Variants in BMAL2 observed in about 807,000 individuals in gnomAD.
BMAL2 encodes basic helix-loop-helix ARNT-like protein 2.
the BMAL2 span, among the ~76,000 whole-genome samples, chr12:27,380,979 G>GAA: frequency 4.7e-4 from 69 of 146,290 alleles, 1 homozygote; most frequent in African/African-American, 1.1e-3. Context: ...GCCTGTCTCA[G>GAA]AAAAAAAAAA....
At chr12:27,396,969 A>G in the BMAL2 span, among the ~76,000 whole-genome samples, 1 of 152,212 alleles carries the variant, frequency 6.6e-6, no homozygotes, top group Admixed American at 6.5e-5. Flanking sequence ...GTGTCTGTCA[A>G]GTGAAATTAC....
At chr12:27,365,000 A>C in the BMAL2 span, among the ~76,000 whole-genome samples, 1 of 152,084 alleles carries the variant, frequency 6.6e-6, no homozygotes, top group Non-Finnish European at 1.5e-5. Flanking sequence ...AACTTGCTAT[A>C]TCCTCTAACT....
chr12:27,339,694 T>G, the BMAL2 span, among the ~76,000 whole-genome samples: 5 of 151,770 alleles, frequency 3.3e-5, no homozygotes, highest in Non-Finnish European at 5.9e-5. Flanking sequence ...GTGCGATCTC[T>G]GCTCACTGCA....
the BMAL2 span, among the ~76,000 whole-genome samples, chr12:27,360,064 A>AT: frequency 5.9e-4 from 78 of 132,292 alleles, no homozygotes; most frequent in Non-Finnish European, 1.0e-3. Flanking sequence ...AAAAAAAAAA[A>AT]AAAAAAAAGT....
the BMAL2 span, chr12:27,376,342 G>T: frequency 1.2e-6 from 2 of 1,612,478 alleles, no homozygotes; most frequent in Non-Finnish European, 1.7e-6. Context: ...CTGCTTTTTT[G>T]TAGAGTGGAA....
the BMAL2 span, chr12:27,424,199 G>T: frequency 9.9e-5 from 15 of 151,982 alleles, no homozygotes; most frequent in Non-Finnish European, 2.2e-4. Flanking sequence ...TATATTAAGT[G>T]GTTATTATTG....
the BMAL2 span, chr12:27,389,339 A>T: frequency 7.6e-7 from 1 of 1,311,374 alleles, no homozygotes; most frequent in African/African-American, 1.5e-5. Context: ...ATGTAAATGT[A>T]ATGATCACCT....
the BMAL2 span, among the ~76,000 whole-genome samples, chr12:27,344,137 AG>A: frequency 6.6e-6 from 1 of 152,234 alleles, no homozygotes; most frequent in Non-Finnish European, 1.5e-5. Context: ...AGAGAATTTA[AG>A]TACATTGCCT....
the BMAL2 span, among the ~76,000 whole-genome samples, chr12:27,346,868 GAATAGGTT>G: frequency 6.6e-6 from 1 of 152,170 alleles, no homozygotes; most frequent in Non-Finnish European, 1.5e-5. Flanking sequence ...GATCCTTCAT[GAATAGGTT>G]AACGTCCTTC....
the BMAL2 span, among the ~76,000 whole-genome samples, chr12:27,348,764 T>C: frequency 6.6e-6 from 1 of 152,216 alleles, no homozygotes; most frequent in Non-Finnish European, 1.5e-5. Flanking sequence ...TCCTCAATTA[T>C]TGAGTGTGGG....
At chr12:27,358,175 A>C in the BMAL2 span, among the ~76,000 whole-genome samples, 1 of 152,126 alleles carries the variant, frequency 6.6e-6, no homozygotes, top group African/African-American at 2.4e-5. Flanking sequence ...AATATCCAGA[A>C]TCTACAAGGA....
At chr12:27,348,595 A>G in the BMAL2 span, among the ~76,000 whole-genome samples, 1 of 152,172 alleles carries the variant, frequency 6.6e-6, no homozygotes, top group Non-Finnish European at 1.5e-5. Context: ...TTTCACCTAT[A>G]TATATATTTT....
At chr12:27,357,437 T>C in the BMAL2 span, among the ~76,000 whole-genome samples, 3 of 152,284 alleles carry the variant, frequency 2.0e-5, no homozygotes, top group African/African-American at 7.2e-5. Context: ...AATGACCATA[T>C]TGCCAAAAGC....
chr12:27,360,065 A>AT, the BMAL2 span, among the ~76,000 whole-genome samples: 10,107 of 151,352 alleles, frequency 0.067, 448 homozygotes, highest in Non-Finnish European at 0.1. Context: ...AAAAAAAAAA[A>AT]AAAAAAAGTA....
the BMAL2 span, among the ~76,000 whole-genome samples, chr12:27,366,132 C>T: frequency 6.6e-6 from 1 of 151,966 alleles, no homozygotes; most frequent in Non-Finnish European, 1.5e-5. Context: ...CTTTTTGTTC[C>T]TGGCTTCCAA....
chr12:27,381,282 T>C, the BMAL2 span, among the ~76,000 whole-genome samples: 1 of 152,228 alleles, frequency 6.6e-6, no homozygotes, highest in Non-Finnish European at 1.5e-5. Context: ...TGTGTACCTG[T>C]GTATTAGTCC....
At chr12:27,377,561 G>C in the BMAL2 span, 1 of 152,190 alleles carries the variant, frequency 6.6e-6, no homozygotes, top group Non-Finnish European at 1.5e-5. Context: ...CTTCTAGTGA[G>C]AGTGTAACTA....
At chr12:27,389,105 C>T in the BMAL2 span, 2 of 982,576 alleles carry the variant, frequency 2.0e-6, no homozygotes, top group African/African-American at 1.6e-5. Flanking sequence ...CAAAAAAGAA[C>T]ATTTATTGTA....
chr12:27,345,812 G>A, the BMAL2 span, among the ~76,000 whole-genome samples: 1 of 152,054 alleles, frequency 6.6e-6, no homozygotes, highest in Non-Finnish European at 1.5e-5. Flanking sequence ...CTGATAATTT[G>A]TTTTGTTCTT....
Sources: gnomAD v4.1 joint callset for allele counts (sites outside exome capture counted in the v4.1 genomes callset) on GRCh38, gnomAD v4.1.1 for gene constraint, MANE v1.5 for transcripts, NCBI Gene and HGNC (gene_info 2026-07-23, HGNC 2026-07-21) for gene names.